The following CENPM variants were observed in gnomAD, a reference collection of about 807,000 sequenced individuals.
CENPM encodes interphase centromere complex protein 39.
In CENPM, 14 loss-of-function variants were observed where a neutral mutation model predicts 19.6. That is an observed-to-expected ratio of 0.71 (90% confidence interval 0.47 to 1.11). The LOEUF is 1.11. CENPM is among the 50% of genes most tolerant of loss of function. CENPM has a pLI of 0.00. For missense variants in CENPM, 239 were observed against 228.4 expected (o/e 1.05, Z -0.30); for synonymous variants, 114 against 101.5 (o/e 1.12, Z -0.74).
chr22:41,936,276 A>G (rs2077683353), downstream of CENPM, among the ~76,000 whole-genome samples: 1 of 152,206 alleles, frequency 6.6e-6, no homozygotes, highest in South Asian at 2.1e-4. Flanking sequence ...CACACCTCCC[A>G]TGACAACGGT....
chr22:41,945,446 A>AT, intron 3 of CENPM, 142 bp from the exon 4 acceptor site: 5 of 1,332,920 alleles, frequency 3.8e-6, no homozygotes, highest in Admixed American at 3.1e-5. Context: ...TTTGTCCTTT[A>AT]ATTTTTTTTT....
the CENPM span, among the ~76,000 whole-genome samples, chr22:41,927,226 CTCTT>C: frequency 6.6e-6 from 1 of 152,084 alleles, no homozygotes; most frequent in Admixed American, 6.5e-5. Context: ...GGCCTGGCCT[CTCTT>C]TCTACCTGTG....
At position 41,938,951 on chromosome 22, in the gene CENPM, G is replaced by T; in HGVS notation, c.*105C>A. The T allele has an allele frequency of 1.4e-6, 2 of 1,451,090 alleles. No individual in the cohort carries two copies. The highest frequency in any genetic ancestry group is 2.8e-5 in the African/African-American group (2 of 71,138). The allele number at this position is 1,451,090 out of a possible 1,614,324, so 89.9% of individuals were successfully genotyped here. A position where few individuals can be genotyped will look rare whatever the true frequency, so the allele number is the denominator to read the frequency against. ...GCAGGGAACCTTCCCAGCCACGGCG[G>T]GCTGAGCCTGGGCCTGTCAAGCCCT... On this transcript the variant is annotated 3_prime_UTR_variant, in exon 6 of 6. Transcript: ENST00000215980.
Position 41,944,603 on chromosome 22 carries a change from C to T in CENPM, c.310+622G>A, listed in dbSNP as rs1385763448. 1.1e-5 allele frequency: 10 copies of T among 905,638 alleles called. No homozygotes were observed. In the East Asian group the frequency reaches 8.3e-4, roughly 75 times the overall value. 56.1% of individuals were successfully genotyped at this position (905,638 alleles called of 1,614,324 possible). ...TAGGAATATGAAAACAAAGCAATTACCGTGTCTGCCTCACAGTGACAGCTC... is the reference window on the plus strand; with the variant it reads ...TAGGAATATGAAAACAAAGCAATTATCGTGTCTGCCTCACAGTGACAGCTC... On this transcript the variant is annotated intron_variant, in intron 4 of 5. Coordinates refer to ENST00000215980, the MANE Select transcript of CENPM (RefSeq NM_024053.5).
downstream of CENPM, among the ~76,000 whole-genome samples, chr22:41,937,123 AC>A (rs1602382210): frequency 2.0e-5 from 3 of 152,130 alleles, no homozygotes; most frequent in East Asian, 5.8e-4. Context: ...TCTAGAGTCC[AC>A]TTCTGATGCC....
At position 41,939,199 on chromosome 22, in the gene CENPM, G is replaced by A. The variant is rs2077702904; in HGVS notation, c.403-3C>T. On this transcript the variant is annotated splice_region_variant and splice_polypyrimidine_tract_variant and intron_variant, in intron 5 of 5. Coordinates refer to ENST00000215980, the MANE Select transcript of CENPM (RefSeq NM_024053.5). ...ATGGTGGCCCTAAAGCCTTCCACCT[G>A]CGGGGAGAGCAGAGAACAGCAGTGA... is the stretch of plus-strand genomic sequence containing the variant. 1 of 1,608,578 alleles carries A rather than the reference G, an allele frequency of 6.2e-7. No individual in the cohort carries two copies. Among genetic ancestry groups the A allele is most frequent in the African/African-American group, 1.3e-5 (1 of 74,872 alleles).
chr22:41,946,776 A>C (rs2077810456), intron 1 of CENPM: 2 of 600,350 alleles, frequency 3.3e-6, no homozygotes, highest in Non-Finnish European at 6.0e-6. Flanking sequence ...AACCAATTCC[A>C]GGCGCGGGAA....
intron 5 of CENPM, among the ~76,000 whole-genome samples, chr22:41,941,622 C>T (rs1296967362): frequency 1.3e-5 from 2 of 152,246 alleles, no homozygotes; most frequent in African/African-American, 4.8e-5. Context: ...CAGGCTAGGA[C>T]AGCAGAACAG....
chr22:41,930,006 C>G, the CENPM span, among the ~76,000 whole-genome samples: 1 of 130,814 alleles, frequency 7.6e-6, no homozygotes, highest in Non-Finnish European at 1.5e-5. Context: ...TGCAGTGGCG[C>G]AATCTCCGCT....
intron 1 of CENPM, chr22:41,946,711 G>A: frequency 1.7e-6 from 1 of 595,280 alleles, no homozygotes; most frequent in South Asian, 2.0e-5. Context: ...TCTACTACCC[G>A]ACCCTCGCTC....
intron 5 of CENPM, chr22:41,940,140 T>G (rs1427374919): frequency 9.1e-6 from 7 of 770,930 alleles, no homozygotes; most frequent in Non-Finnish European, 1.7e-5. Flanking sequence ...CTGCCAGACC[T>G]TGAGCACACC....
At chr22:41,944,921 T>G in intron 4 of CENPM, 1 of 1,222,126 alleles carries the variant, frequency 8.2e-7, no homozygotes, top group Non-Finnish European at 1.0e-6. Flanking sequence ...ATATGTGTTC[T>G]TTCGGTTTTT....
chr22:41,943,567 C>G (rs747481261), intron 5 of CENPM, 43 bp downstream of exon 5: 2 of 1,555,006 alleles, frequency 1.3e-6, no homozygotes, highest in Non-Finnish European at 1.8e-6. Context: ...ACCCTTTCCC[C>G]GCACCCGAGT....
At chr22:41,942,899 C>A (rs2077755474) in intron 5 of CENPM, among the ~76,000 whole-genome samples, 1 of 152,052 alleles carries the variant, frequency 6.6e-6, no homozygotes, top group Non-Finnish European at 1.5e-5. Flanking sequence ...TACACCACTG[C>A]AATCCAGCCT....
rs1478103242 is a variant in CENPM at position 41,939,082 on chromosome 22, C to A, written c.517G>T (p.Glu173Ter). The change falls in exon 6 of 6, where the codon GAG becomes TAG. Residue 173 changes from glutamate (E) to a stop codon, truncating the protein, a stop_gained. Transcript: ENST00000215980. LOFTEE classifies it high-confidence loss of function. ...CACAGGTCCTCCAGGGAGGGGCCCT[C>A]AGAGCTTCTCAGCAGGGACAGCAGG... The part of the protein sequence containing the change: ...LNLLSLLRSS[E>*]GPSLEDL The A allele has an allele frequency of 8.1e-6, 13 of 1,612,934 alleles. No individual in the cohort carries two copies. The highest frequency in any genetic ancestry group is 1.1e-5 in the Non-Finnish European group (13 of 1,179,982).
intron 5 of CENPM, chr22:41,940,007 T>C: frequency 1.6e-6 from 1 of 616,546 alleles, no homozygotes; most frequent in Non-Finnish European, 3.0e-6. Flanking sequence ...TCAGGCCACA[T>C]CCCTCCCTGG....
intron 4 of CENPM, chr22:41,944,668 CAA>C: frequency 1.0e-6 from 1 of 985,162 alleles, no homozygotes; most frequent in East Asian, 1.1e-4. Flanking sequence ...GTTAATATTA[CAA>C]AGTCTCAGGA....
At chr22:41,941,774 C>A (rs927289216) in intron 5 of CENPM, among the ~76,000 whole-genome samples, 2 of 152,196 alleles carry the variant, frequency 1.3e-5, no homozygotes, top group African/African-American at 4.8e-5. Context: ...CTGATCTGGT[C>A]AGGGGCTCAA....
chr22:41,938,795 A>G lies in CENPM; in HGVS notation c.*261T>C. The stretch of plus-strand genomic sequence containing the variant: ...TGTTCAAAGGAAACCTTAAATGGAG[A>G]TGTAACACGCCAGCTGCTTAAAGAC... On this transcript the variant is annotated 3_prime_UTR_variant, in exon 6 of 6. Transcript: ENST00000215980. The G allele has an allele frequency of 2.3e-6, 1 of 429,968 alleles. No individual in the cohort carries two copies. Among genetic ancestry groups the G allele is most frequent in the Non-Finnish European group, 4.1e-6 (1 of 241,476 alleles). The allele number at this position is 429,968 out of a possible 1,614,324, so 26.6% of individuals were successfully genotyped here. A position where few individuals can be genotyped will look rare whatever the true frequency, so the allele number is the denominator to read the frequency against.
Sources: gnomAD v4.1 joint callset for allele counts (sites outside exome capture counted in the v4.1 genomes callset) on GRCh38, gnomAD v4.1.1 for gene constraint, MANE v1.5 for transcripts, NCBI Gene and HGNC (gene_info 2026-07-23, HGNC 2026-07-21) for gene names.